ZNF614: variants seen among roughly 807,000 people sequenced by gnomAD.
ZNF614 encodes the protein zinc finger protein 614.
ZNF614 carries 11 observed loss-of-function variants against 12.8 expected under a neutral mutation model. The observed-to-expected ratio is 0.86, with a 90% confidence interval of 0.54 to 1.43. ZNF614 has a LOEUF of 1.43. Among genes scored for constraint, ZNF614 ranks in the 40% most tolerant of loss-of-function variants. The pLI is 0.00. For missense variants in ZNF614, 664 were observed against 708.8 expected, an observed-to-expected ratio of 0.94 and a Z score of 0.72; for synonymous variants, 237 against 237.5, an observed-to-expected ratio of 1.00 and a Z score of 0.02.
At chr19:52,026,548 A>C (rs1029456394) in intron 1 of ZNF614, among the ~76,000 whole-genome samples, 1 of 152,210 alleles carries the variant, frequency 6.6e-6, no homozygotes. Context: ...GGTATTGTCC[A>C]AGGTTTCTCC....
intron 4 of ZNF614, 199 bp from the exon 5 acceptor site, chr19:52,017,558 G>A (rs535838203): frequency 1.8e-4 from 92 of 513,062 alleles, no homozygotes; most frequent in African/African-American, 1.2e-3. Context: ...AAAATTAGCC[G>A]GGCGTGGTGG....
At chr19:52,027,419 C>G (rs1417119710) in intron 1 of ZNF614, among the ~76,000 whole-genome samples, 1 of 152,220 alleles carries the variant, frequency 6.6e-6, no homozygotes, top group African/African-American at 2.4e-5. Flanking sequence ...GAGGCAAACT[C>G]TAAGCCTTTG....
Position 52,021,297 on chromosome 19 carries a change from C to T in ZNF614, c.16-2803G>A, listed in dbSNP as rs184410200. 3.3e-5 allele frequency among the ~76,000 whole-genome samples: 5 copies of T among 152,270 alleles called. No homozygotes were observed. The East Asian group carries it at 9.7e-4, about 29-fold the overall frequency. On this transcript the variant is annotated intron_variant, in intron 2 of 4. Coordinates refer to ENST00000270649, the MANE Select transcript of ZNF614 (RefSeq NM_025040.4). ...CAGCTAACACCTTGACGACAACCCC[C>T]ATGAGAGACTGTGAATCAAAGTAGC...
intron 2 of ZNF614, among the ~76,000 whole-genome samples, chr19:52,023,174 T>A (rs1012275009): frequency 2.1e-3 from 178 of 85,932 alleles, no homozygotes; most frequent in African/African-American, 3.1e-3. Flanking sequence ...ATAAATAAAA[T>A]TTTTTTTTTT....
chr19:52,017,470 G>A, intron 4 of ZNF614, 111 bp from the exon 5 acceptor site: 1 of 955,376 alleles, frequency 1.0e-6, no homozygotes, highest in Non-Finnish European at 1.5e-6. Flanking sequence ...TGGGGAGGCT[G>A]AGGCGGGCAG....
chr19:52,017,234 G>A lies in ZNF614; in HGVS notation c.364C>T (p.Pro122Ser). Residue 122 changes from proline to serine, a missense_variant, in exon 5 of 5, where the codon CCT becomes TCT. Physicochemically the swap from Pro to Ser is moderately conservative, Grantham distance 74. Coordinates refer to ENST00000270649, the MANE Select transcript of ZNF614 (RefSeq NM_025040.4). ...AATGTATCATGATTTTGCACTATAG[G>A]AAAATGTGTCTTGCTGAGATGTACA... The part of the protein sequence containing the change: ...NIVHLSKTHF[P>S]IVQNHDTFDL... The A allele has an allele frequency of 5.6e-6, 9 of 1,614,040 alleles. No individual in the cohort carries two copies. Among genetic ancestry groups the A allele is most frequent in the Non-Finnish European group, 7.6e-6 (9 of 1,180,026 alleles).
chr19:52,016,495 T>C lies in ZNF614; in HGVS notation c.1103A>G (p.Glu368Gly). Residue 368 changes from glutamate to glycine, a missense_variant, in exon 5 of 5, where the codon GAG becomes GGG. By Grantham distance (98) the Glu-to-Gly change is moderately conservative. Coordinates refer to ENST00000270649, the MANE Select transcript of ZNF614 (RefSeq NM_025040.4). ...ACATTCACTGCACATATAGGGTTTC[T>C]CTCCAGTATGAGTTCGCTGATGTAC... ...LVVHQRTHTG[E>G]KPYMCSECGK... The C allele has an allele frequency of 6.2e-7, 1 of 1,614,114 alleles. No homozygotes were observed. The highest frequency in any genetic ancestry group is 8.5e-7 in the Non-Finnish European group (1 of 1,179,942).
rs185143677 is a variant in ZNF614 at position 52,016,391 on chromosome 19, C to T, written c.1207G>A (p.Glu403Lys). 1.2e-4 allele frequency: 190 copies of T among 1,613,742 alleles called. 2 individuals carry two copies. Among genetic ancestry groups the T allele is most frequent in the Non-Finnish European group, 1.4e-5 (17 of 1,179,758 alleles). ...TTGACAGTGAAGCCTTTTCCACATT[C>T]GCTGCATATGTAAGATTTTTCTCCT... ...HTGEKSYICS[E>K]CGKGFTVKRT... Residue 403 changes from glutamate (E) to lysine (K), a missense_variant, in exon 5 of 5, where the codon GAA (glutamate) becomes AAA (lysine). Coordinates refer to ENST00000270649, the MANE Select transcript of ZNF614 (RefSeq NM_025040.4).
intron 1 of ZNF614, among the ~76,000 whole-genome samples, chr19:52,026,341 T>C (rs1416268896): frequency 6.6e-6 from 1 of 152,234 alleles, no homozygotes; most frequent in Non-Finnish European, 1.5e-5. Flanking sequence ...TAACCCTAGC[T>C]CCAACCCTAT....
rs1014476437 is a variant in ZNF614 at position 52,014,519 on chromosome 19, T to G, written c.*1321A>C. The G allele has an allele frequency of 2.6e-5, 4 of 152,036 alleles. No homozygotes were observed. Among genetic ancestry groups the G allele is most frequent in the Non-Finnish European group, 5.9e-5 (4 of 68,000 alleles). The allele number at this position is 152,036 out of a possible 1,614,324, so 9.4% of individuals were successfully genotyped here. On this transcript the variant is annotated 3_prime_UTR_variant, in exon 5 of 5. Transcript: ENST00000270649. ...TAATTTGCTACAGGGCTCACAAAAC[T>G]CAAGAAAACAGCGTACTTTGTTTTA...
At position 52,016,792 on chromosome 19, in the gene ZNF614, G is replaced by C; in HGVS notation, c.806C>G (p.Thr269Ser). The C allele has an allele frequency of 6.2e-7, 1 of 1,613,962 alleles. No individual in the cohort carries two copies. Among genetic ancestry groups the C allele is most frequent in the East Asian group, 2.2e-5 (1 of 44,878 alleles). ...CIPNEYRKGS[T>S]VKSSLITHQQ... ...ATGTGTAATGAGACTACTCTTCACA[G>C]TAGAGCCTTTTCTATATTCATTGGG... is the stretch of plus-strand genomic sequence containing the variant. The change falls in exon 5 of 5, where the codon ACT becomes AGT. Residue 269 changes from threonine to serine, a missense_variant. Thr to Ser is a moderately conservative substitution (Grantham distance 58, BLOSUM62 1). Transcript: ENST00000270649.
chr19:52,021,730 CAAAT>C lies in ZNF614; in HGVS notation c.16-3240_16-3237del, dbSNP rs1197676795. Among the ~76,000 whole-genome samples, 12 of 135,660 alleles carry C rather than the reference CAAAT, an allele frequency of 8.8e-5. No individual in the cohort carries two copies. In the East Asian group the frequency reaches 2.0e-3, roughly 23 times the overall value. The allele number at this position is 135,660 out of a possible 152,430, so 89.0% of individuals were successfully genotyped here. A position where few individuals can be genotyped will look rare whatever the true frequency, so the allele number is the denominator to read the frequency against. On this transcript the variant is annotated intron_variant, in intron 2 of 4. Coordinates refer to ENST00000270649, the MANE Select transcript of ZNF614 (RefSeq NM_025040.4). ...TGGGGAAGAGGGCGAGTCCCTGTCT[CAAAT>C]AAAGAAAAAAAAAAAAGGAATAAAT...
At position 52,013,362 on chromosome 19, in the gene ZNF614, A is replaced by T; in HGVS notation, c.*2478T>A. The T allele has an allele frequency of 3.5e-6, 1 of 289,540 alleles. No homozygotes were observed. The highest frequency in any genetic ancestry group is 2.8e-5 in the South Asian group (1 of 35,792). The allele number at this position is 289,540 out of a possible 1,614,324, so 17.9% of individuals were successfully genotyped here. ...ATCTTTATTTATAGCACTTAAAACC[A>T]GGAAAACAGTGCAAATATATCTCAT... On this transcript the variant is annotated 3_prime_UTR_variant, in exon 5 of 5. Transcript: ENST00000270649.
intron 2 of ZNF614, among the ~76,000 whole-genome samples, chr19:52,025,106 C>T (rs1227196411): frequency 6.6e-6 from 1 of 152,068 alleles, no homozygotes; most frequent in East Asian, 1.9e-4. Context: ...AAGACTCTGT[C>T]TCAAAATAAA....
chr19:52,027,727 G>T (rs979773830), intron 1 of ZNF614, among the ~76,000 whole-genome samples: 1 of 152,078 alleles, frequency 6.6e-6, no homozygotes, highest in Non-Finnish European at 1.5e-5. Flanking sequence ...ATTTAAAAAC[G>T]TATGAAGCAA....
chr19:52,014,039 T>C lies in ZNF614; in HGVS notation c.*1801A>G. 1 of 150,804 alleles carries C rather than the reference T, an allele frequency of 6.6e-6. No individual in the cohort carries two copies. The highest frequency in any genetic ancestry group is 2.0e-4 in the East Asian group (1 of 5,116). 9.3% of individuals were successfully genotyped at this position (150,804 alleles called of 1,614,324 possible). On this transcript the variant is annotated 3_prime_UTR_variant, in exon 5 of 5. Coordinates refer to ENST00000270649, the MANE Select transcript of ZNF614 (RefSeq NM_025040.4). Reference sequence around the variant, plus strand: ...TTTTATAAACTGATCATCTCTATAATCTTAGTTAAGCAAGTCCAAATATGT... The same window carrying C: ...TTTTATAAACTGATCATCTCTATAACCTTAGTTAAGCAAGTCCAAATATGT...
At chr19:52,018,133 T>C in intron 3 of ZNF614, 30 bp from the exon 4 acceptor site, 1 of 1,584,754 alleles carries the variant, frequency 6.3e-7, no homozygotes, top group African/African-American at 1.3e-5. Flanking sequence ...AACACAAACA[T>C]CCTGAATTGG....
Position 52,016,966 on chromosome 19 carries a change from T to C in ZNF614, c.632A>G (p.Glu211Gly). The C allele has an allele frequency of 1.9e-6, 3 of 1,614,210 alleles. 1 individual carries two copies. The highest frequency in any genetic ancestry group is 2.2e-5 in the South Asian group (2 of 91,088). ...CTGAGACTTCCTAAGGAAGGTTTGC[T>C]CACATTCAATGCATGCATGGGGTTT... ...IEKPHACIEC[E>G]QTFLRKSQLI... Residue 211 changes from glutamate to glycine, a missense_variant, in exon 5 of 5, where the codon GAG becomes GGG. Coordinates refer to ENST00000270649, the MANE Select transcript of ZNF614 (RefSeq NM_025040.4).
chr19:52,018,159 G>T, intron 3 of ZNF614, 56 bp from the exon 4 acceptor site: 1 of 1,509,458 alleles, frequency 6.6e-7, no homozygotes, highest in Non-Finnish European at 9.2e-7. Flanking sequence ...AGTATGTCAA[G>T]ATGGAAAAAT....
Sources: gnomAD v4.1 joint callset for allele counts (sites outside exome capture counted in the v4.1 genomes callset) on GRCh38, gnomAD v4.1.1 for gene constraint, MANE v1.5 for transcripts, NCBI Gene and HGNC (gene_info 2026-07-23, HGNC 2026-07-21) for gene names.